MLC1: variants seen among roughly 807,000 people sequenced by gnomAD.
The protein encoded by MLC1 is modulator of VRAC current 1, also known as membrane protein MLC1.
Under a neutral mutation model 44.7 loss-of-function variants are expected in MLC1, and 32 were observed. That is an observed-to-expected ratio of 0.72 (90% confidence interval 0.54 to 0.96). MLC1 has a LOEUF of 0.96. Among genes scored for constraint, MLC1 ranks in the 40% least tolerant of loss-of-function variants. The pLI is 0.00. For synonymous variants in MLC1, 190 were observed against 213.0 expected (o/e 0.89, Z 0.94); for missense variants, 459 against 492.2 (o/e 0.93, Z 0.64).
chr22:50,067,270 C>T (rs1344107978), intron 10 of MLC1, among the ~76,000 whole-genome samples: 2 of 151,896 alleles, frequency 1.3e-5, no homozygotes, highest in Non-Finnish European at 2.9e-5. Flanking sequence ...TATCCCCCTT[C>T]AGACAGTGAC....
At chr22:50,069,809 C>G (rs2061805133) in intron 9 of MLC1, among the ~76,000 whole-genome samples, 1 of 152,218 alleles carries the variant, frequency 6.6e-6, no homozygotes, top group Non-Finnish European at 1.5e-5. Flanking sequence ...ACAGCCTTCA[C>G]TCATGCCAAG....
chr22:50,065,726 T>G (rs549314166), intron 10 of MLC1, among the ~76,000 whole-genome samples: 2 of 152,280 alleles, frequency 1.3e-5, no homozygotes, highest in East Asian at 3.9e-4. Flanking sequence ...TTCACGCCAT[T>G]GGCAGGAGGG....
At chr22:50,085,192 C>G (rs2062251268) in intron 1 of MLC1, 163 bp downstream of exon 1, 1 of 1,293,582 alleles carries the variant, frequency 7.7e-7, no homozygotes, top group Non-Finnish European at 9.9e-7. Context: ...CTCATTGATC[C>G]ATCTGGGCCC....
At chr22:50,068,303 G>C in intron 10 of MLC1, 130 bp downstream of exon 10, 1 of 1,351,936 alleles carries the variant, frequency 7.4e-7, no homozygotes, top group Non-Finnish European at 1.0e-6. Context: ...CCCAGGAACA[G>C]CGGAGGAGGT....
upstream of MLC1, chr22:50,085,856 C>T (rs4838883): frequency 0.14 from 21,320 of 152,392 alleles, 1,668 homozygotes; most frequent in Admixed American, 0.21. Flanking sequence ...CTGTGGTTTG[C>T]GTGGGCAGCC....
rs1371514969 is a variant in MLC1 at position 50,060,817 on chromosome 22, C to T, written c.*766G>A. The T allele has an allele frequency of 6.7e-6, 1 of 149,726 alleles. No individual in the cohort carries two copies. Among genetic ancestry groups the T allele is most frequent in the Admixed American group, 6.7e-5 (1 of 14,816 alleles). The allele number at this position is 149,726 out of a possible 1,614,324, so 9.3% of individuals were successfully genotyped here. A position where few individuals can be genotyped will look rare whatever the true frequency, so the allele number is the denominator to read the frequency against. ...GGACGTGGGCAGCGGCCACGTGGCA[C>T]TCCAAGCTGGGCATGACAGCACCCA... On this transcript the variant is annotated 3_prime_UTR_variant, in exon 12 of 12. Coordinates refer to ENST00000311597, the MANE Select transcript of MLC1 (RefSeq NM_015166.4).
At chr22:50,082,851 G>C (rs759387450) in intron 3 of MLC1, among the ~76,000 whole-genome samples, 1 of 152,088 alleles carries the variant, frequency 6.6e-6, no homozygotes, top group Non-Finnish European at 1.5e-5. Flanking sequence ...TTTTAGTAGA[G>C]ATGGGGTTTG....
intron 10 of MLC1, among the ~76,000 whole-genome samples, chr22:50,067,326 A>G (rs535864330): frequency 4.4e-5 from 6 of 136,672 alleles, no homozygotes; most frequent in Non-Finnish European, 7.8e-5. Flanking sequence ...TCAGACAGTG[A>G]CTCCATTACC....
At chr22:50,065,969 G>A (rs537467302) in intron 10 of MLC1, among the ~76,000 whole-genome samples, 7 of 152,350 alleles carry the variant, frequency 4.6e-5, no homozygotes, top group South Asian at 2.1e-4. Context: ...AGTCAGGAGC[G>A]ATGAAGGAAT....
chr22:50,061,665 CGAG>C lies in MLC1; in HGVS notation c.1060-11_1060-9del. 1.2e-6 allele frequency: 2 copies of C among 1,612,458 alleles called. No individual in the cohort carries two copies. The highest frequency in any genetic ancestry group is 1.7e-6 in the Non-Finnish European group (2 of 1,179,346). On this transcript the variant is annotated splice_polypyrimidine_tract_variant and intron_variant, in intron 11 of 11. Transcript: ENST00000311597. ...CAGGGGGCTCCTGGCCACCTGCAAC[CGAG>C]ACAGGAAAGGTGTTACTTCACCAGG...
At chr22:50,078,038 T>C (rs1446612102) in intron 5 of MLC1, among the ~76,000 whole-genome samples, 1 of 150,408 alleles carries the variant, frequency 6.6e-6, no homozygotes, top group African/African-American at 2.4e-5. Context: ...TTGCCCAGGC[T>C]GGAGAGCAAA....
At chr22:50,081,009 AAAAGAAAGAAAG>A (rs757266134) in intron 3 of MLC1, among the ~76,000 whole-genome samples, 8 of 96,740 alleles carry the variant, frequency 8.3e-5, no homozygotes, top group South Asian at 3.7e-4. Flanking sequence ...TTGTCTCAAA[AAAAGAAAGAAAG>A]AAAGAAAGAA....
In MLC1 at chr22:50,079,995, CA is replaced by C. The variant is rs765490369; in HGVS notation, c.345del (p.Phe115LeufsTer7). On this transcript the variant is annotated frameshift_variant, in exon 5 of 12. Transcript: ENST00000311597. LOFTEE classifies it high-confidence loss of function. ...GTAGTGGTCACAGCAAACGTGGAAA[CA>C]AACAATATCTGAAAGTTGGGAATCT... ...ANVIPNFQIL[F>X]VSTFAVTTTC... 1 of 1,613,980 alleles carries C rather than the reference CA, an allele frequency of 6.2e-7. No homozygotes were observed. Among genetic ancestry groups the C allele is most frequent in the Non-Finnish European group, 8.5e-7 (1 of 1,179,846 alleles).
Position 50,070,552 on chromosome 22 carries a change from G to T in MLC1, c.746C>A (p.Ala249Glu). Residue 249 changes from alanine to glutamate, a missense_variant, in exon 9 of 12, where the codon GCA becomes GAA. Coordinates refer to ENST00000311597, the MANE Select transcript of MLC1 (RefSeq NM_015166.4). The part of the protein sequence containing the change: ...CFPSAIASHV[A>E]AECPSKCLVE... ...CAGACACTTGCTGGGACACTCTGCT[G>T]CCACATGACTGGCAATGGCACTTGG... 6.4e-7 allele frequency: 1 copy of T among 1,565,756 alleles called. No homozygotes were observed. The highest frequency in any genetic ancestry group is 8.7e-7 in the Non-Finnish European group (1 of 1,154,332).
rs1272982980 is a variant in MLC1 at position 50,062,187 on chromosome 22, A to G, written c.1060-530T>C. 3.6e-4 allele frequency among the ~76,000 whole-genome samples: 41 copies of G among 113,596 alleles called. 1 individual carries two copies. Among genetic ancestry groups the G allele is most frequent in the South Asian group, 3.2e-4 (1 of 3,118 alleles). The allele number at this position is 113,596 out of a possible 152,430, so 74.5% of individuals were successfully genotyped here. ...CAGCCGTCCACCCTAAGCCCCAGCC[A>G]TCCACCCTGAGCCCCAGCCGTCCAC... On this transcript the variant is annotated intron_variant, in intron 11 of 11. Coordinates refer to ENST00000311597, the MANE Select transcript of MLC1 (RefSeq NM_015166.4).
intron 10 of MLC1, among the ~76,000 whole-genome samples, chr22:50,065,522 G>A (rs953612405): frequency 2.0e-5 from 3 of 152,332 alleles, no homozygotes; most frequent in East Asian, 3.9e-4. Context: ...GATGGAGCTG[G>A]TCTCCCCCGG....
At chr22:50,076,541 T>C (rs1361687168) in intron 7 of MLC1, among the ~76,000 whole-genome samples, 2 of 146,130 alleles carry the variant, frequency 1.4e-5, no homozygotes, top group African/African-American at 5.1e-5. Context: ...GCTGATGGAG[T>C]GAGACTCCGT....
chr22:50,081,892 G>A (rs2062151858), intron 3 of MLC1, among the ~76,000 whole-genome samples: 1 of 152,286 alleles, frequency 6.6e-6, no homozygotes, highest in Non-Finnish European at 1.5e-5. Flanking sequence ...TGGGACAAGG[G>A]CGGCTCCCAT....
Position 50,084,777 on chromosome 22 carries a change from T to C in MLC1, c.126A>G (p.Arg42=), listed in dbSNP as rs1005823986. The C allele has an allele frequency of 1.2e-5, 19 of 1,613,980 alleles. No homozygotes were observed. Among genetic ancestry groups the C allele is most frequent in the Admixed American group, 3.3e-5 (2 of 60,006 alleles). ...TCTTGTGGCTGAAGCAGGGGGGCAG[T>C]CTCTTCGACAGCTGCAGGTCGCTCG... ...AKPSDLQLSK[R]LPPCFSHKTW... is the part of the protein sequence containing the mutation. The change falls in exon 2 of 12, where the codon AGA becomes AGG. Residue 42 remains arginine (R), a synonymous_variant. Coordinates refer to ENST00000311597, the MANE Select transcript of MLC1 (RefSeq NM_015166.4).
Sources: allele counts gnomAD v4.1 joint callset (sites outside exome capture counted in the v4.1 genomes callset), GRCh38; gene constraint gnomAD v4.1.1; transcripts MANE v1.5; gene names NCBI Gene and HGNC (gene_info 2026-07-23, HGNC 2026-07-21).